The following SKP1 variants were observed in gnomAD, a reference collection of about 807,000 sequenced individuals.
SKP1 encodes the protein S-phase kinase-associated protein 1.
In SKP1, 1 loss-of-function variant was observed where a neutral mutation model predicts 21.5. The ratio of observed to expected loss-of-function variants is 0.05; its 90% CI spans 0.02 to 0.22. The LOEUF (loss-of-function observed/expected upper bound fraction) is 0.22, where lower values mean the gene tolerates loss of function less well. Ranked by LOEUF, SKP1 falls within the 10% of genes least tolerant of loss-of-function variation. The pLI is 1.00. For synonymous variants in SKP1, 59 were observed against 59.3 expected, an observed-to-expected ratio of 0.99 and a Z score of 0.03; for missense variants, 70 against 192.0, an observed-to-expected ratio of 0.36 and a Z score of 3.76.
chr5:134,172,449 A>C (rs912557732), intron 2 of SKP1, among the ~76,000 whole-genome samples: 2 of 152,218 alleles, frequency 1.3e-5, no homozygotes, highest in African/African-American at 2.4e-5. Flanking sequence ...AACACTAAAA[A>C]GAGATCCACA....
In SKP1 at chr5:134,158,591, G is replaced by C. The variant is rs1308043778; in HGVS notation, c.320C>G (p.Ala107Gly). 6.2e-7 allele frequency: 1 copy of C among 1,613,018 alleles called. No individual in the cohort carries two copies. Among genetic ancestry groups the C allele is most frequent in the Non-Finnish European group, 8.5e-7 (1 of 1,179,578 alleles). The change falls in exon 5 of 6, where the codon GCA (alanine) becomes GGA (glycine). Residue 107 changes from alanine (A) to glycine (G), a missense_variant. Ala to Gly is a moderately conservative substitution (Grantham distance 60). Transcript: ENST00000353411. ...QGTLFELILA[A>G]NYLDIKGLLD... ...CAAACCTTTGATGTCTAAGTAGTTT[G>C]CAGCCTGTAAAGAGACAGTTGTTTT...
At chr5:134,158,069 ATTCTGATCTATTCT>A in intron 5 of SKP1, 1 of 1,440,404 alleles carries the variant, frequency 6.9e-7, no homozygotes. Context: ...CAACAAAATC[ATTCTGATCTATTCT>A]TTCATTTCCT....
chr5:134,154,808 T>G lies in SKP1; in HGVS notation c.*2925A>C, dbSNP rs1344778754. 6.6e-6 allele frequency: 1 copy of G among 152,236 alleles called. No individual in the cohort carries two copies. Among genetic ancestry groups the G allele is most frequent in the Non-Finnish European group, 1.5e-5 (1 of 68,042 alleles). 9.4% of individuals were successfully genotyped at this position (152,236 alleles called of 1,614,324 possible). A position where few individuals can be genotyped will look rare whatever the true frequency, so the allele number is the denominator to read the frequency against. ...TAAGTTTACTTTATCAACAAGGGTT[T>G]TCTTTCCTTTACTACTATAACAGTA... On this transcript the variant is annotated 3_prime_UTR_variant, in exon 6 of 6. Transcript: ENST00000353411.
At chr5:134,167,391 G>T in intron 2 of SKP1, 148 bp from the exon 3 acceptor site, 1 of 613,230 alleles carries the variant, frequency 1.6e-6, no homozygotes, top group East Asian at 2.8e-5. Context: ...AACATATTGG[G>T]AAAAAAAATG....
intron 2 of SKP1, among the ~76,000 whole-genome samples, chr5:134,168,693 G>T (rs1761381284): frequency 6.6e-6 from 1 of 152,028 alleles, no homozygotes. Context: ...CATTTTGAAG[G>T]TACAGACAGT....
chr5:134,163,693 G>C (rs776655346), intron 3 of SKP1, among the ~76,000 whole-genome samples: 5 of 152,028 alleles, frequency 3.3e-5, no homozygotes, highest in Non-Finnish European at 5.9e-5. Context: ...GGGAGGCTGA[G>C]GTGAGAAGAT....
At chr5:134,170,475 T>G (rs1272921132) in intron 2 of SKP1, among the ~76,000 whole-genome samples, 2 of 152,202 alleles carry the variant, frequency 1.3e-5, no homozygotes, top group South Asian at 2.1e-4. Context: ...TCAATCCACA[T>G]GTAAATGTGC....
chr5:134,162,800 G>A (rs546424221), intron 3 of SKP1, among the ~76,000 whole-genome samples: 176 of 152,210 alleles, frequency 1.2e-3, no homozygotes, highest in African/African-American at 3.6e-3. Context: ...CTAAACCTGG[G>A]CACAGTGGTT....
At chr5:134,169,523 T>C (rs980451093) in intron 2 of SKP1, among the ~76,000 whole-genome samples, 2 of 152,234 alleles carry the variant, frequency 1.3e-5, no homozygotes, top group Non-Finnish European at 2.9e-5. Context: ...GAAGACCAGC[T>C]TGTTTAGATC....
At chr5:134,173,544 C>T (rs1468406938) in intron 2 of SKP1, 4 of 357,188 alleles carry the variant, frequency 1.1e-5, no homozygotes, top group Non-Finnish European at 1.6e-5. Flanking sequence ...CTCACTCCCT[C>T]CACTGAAATA....
chr5:134,158,581 T>C lies in SKP1; in HGVS notation c.330A>G (p.Leu110=). ...LFELILAANY[L]DIKGLLDVTC... ...TAACATCAAGCAAACCTTTGATGTC[T>C]AAGTAGTTTGCAGCCTGTAAAGAGA... Residue 110 remains leucine, a synonymous_variant, in exon 5 of 6, where the codon TTA becomes TTG. Coordinates refer to ENST00000353411, the MANE Select transcript of SKP1 (RefSeq NM_170679.3). 6.2e-7 allele frequency: 1 copy of C among 1,613,412 alleles called. No homozygotes were observed. Among genetic ancestry groups the C allele is most frequent in the Non-Finnish European group, 8.5e-7 (1 of 1,179,640 alleles).
chr5:134,162,900 C>A (rs1456848007), intron 3 of SKP1, among the ~76,000 whole-genome samples: 1 of 151,656 alleles, frequency 6.6e-6, no homozygotes, highest in Non-Finnish European at 1.5e-5. Flanking sequence ...TAGAGACACC[C>A]CGTCTCTACA....
rs1761100758 is a variant in SKP1 at position 134,154,982 on chromosome 5, TTC to T, written c.*2749_*2750del. 1 of 152,358 alleles carries T rather than the reference TTC, an allele frequency of 6.6e-6. No individual in the cohort carries two copies. Among genetic ancestry groups the T allele is most frequent in the South Asian group, 2.1e-4 (1 of 4,826 alleles). 9.4% of individuals were successfully genotyped at this position (152,358 alleles called of 1,614,324 possible). ...CCTGCATTTCACAAGGACTTTTCAC[TTC>T]TGTTACTTATACTGAAATTCATGGA... On this transcript the variant is annotated 3_prime_UTR_variant, in exon 6 of 6. Transcript: ENST00000353411.
At chr5:134,174,890 T>A (rs531024447) in intron 1 of SKP1, 1 of 149,488 alleles carries the variant, frequency 6.7e-6, no homozygotes, top group East Asian at 2.0e-4. Context: ...AAAGAAAACA[T>A]ACAAACAAGG....
chr5:134,166,196 A>G (rs1761327579), intron 3 of SKP1, among the ~76,000 whole-genome samples: 1 of 151,526 alleles, frequency 6.6e-6, no homozygotes, highest in Non-Finnish European at 1.5e-5. Context: ...AAAAAAAAAA[A>G]GATGCTATAT....
rs539550211 is a variant in SKP1 at position 134,150,529 on chromosome 5, T to A, written c.*7204A>T. 6.6e-6 allele frequency: 1 copy of A among 152,340 alleles called. No homozygotes were observed. Among genetic ancestry groups the A allele is most frequent in the African/African-American group, 2.4e-5 (1 of 41,584 alleles). The allele number at this position is 152,340 out of a possible 1,614,324, so 9.4% of individuals were successfully genotyped here. On this transcript the variant is annotated 3_prime_UTR_variant, in exon 6 of 6. Coordinates refer to ENST00000353411, the MANE Select transcript of SKP1 (RefSeq NM_170679.3). The stretch of plus-strand genomic sequence containing the variant: ...TTAGGCCTATATGTCAAAGTAGAAT[T>A]TAAGACCCAAATCTAGTTAATTGTA...
Position 134,152,347 on chromosome 5 carries a change from G to T in SKP1, c.*5386C>A, listed in dbSNP as rs905924480. ...AATTTCTCTTTAGTCTATATTCTCA[G>T]GGAAATGTACCAACACCCAACCTTC... On this transcript the variant is annotated 3_prime_UTR_variant, in exon 6 of 6. Coordinates refer to ENST00000353411, the MANE Select transcript of SKP1 (RefSeq NM_170679.3). 1.3e-5 allele frequency: 2 copies of T among 152,172 alleles called. No homozygotes were observed. The highest frequency in any genetic ancestry group is 2.9e-5 in the Non-Finnish European group (2 of 68,072). 9.4% of individuals were successfully genotyped at this position (152,172 alleles called of 1,614,324 possible). A position where few individuals can be genotyped will look rare whatever the true frequency, so the allele number is the denominator to read the frequency against.
chr5:134,164,521 A>G (rs148318827), intron 3 of SKP1, among the ~76,000 whole-genome samples: 4 of 152,124 alleles, frequency 2.6e-5, no homozygotes, highest in East Asian at 1.9e-4. Context: ...CATAAACTCC[A>G]TAAGGGCAGA....
chr5:134,166,173 AG>A (rs1761327085), intron 3 of SKP1, among the ~76,000 whole-genome samples: 1 of 149,876 alleles, frequency 6.7e-6, no homozygotes, highest in Non-Finnish European at 1.5e-5. Context: ...CAACAGGGCG[AG>A]GCTCCATCTC....
Sources: gnomAD v4.1 joint callset for allele counts (sites outside exome capture counted in the v4.1 genomes callset) on GRCh38, gnomAD v4.1.1 for gene constraint, MANE v1.5 for transcripts, NCBI Gene and HGNC (gene_info 2026-07-23, HGNC 2026-07-21) for gene names.